The following INPP5D variants were observed in gnomAD, a reference collection of about 807,000 sequenced individuals.
INPP5D encodes the protein phosphatidylinositol 3,4,5-trisphosphate 5-phosphatase 1.
Under a neutral mutation model 122.9 loss-of-function variants are expected in INPP5D, and 33 were observed. The observed-to-expected ratio is 0.27, with a 90% CI of 0.20 to 0.36. The LOEUF (loss-of-function observed/expected upper bound fraction) is 0.36, where lower values mean the gene tolerates loss of function less well. Among genes scored for constraint, INPP5D ranks in the 10% least tolerant of loss-of-function variants. The pLI, the probability that INPP5D is intolerant of heterozygous loss-of-function variation, is 1.00. For synonymous variants in INPP5D, 584 were observed against 576.2 expected (o/e 1.01, Z -0.19); for missense variants, 1,053 against 1,412.7 (o/e 0.75, Z 4.08).
At chr2:233,148,052 G>T (rs1219893431) in intron 9 of INPP5D, among the ~76,000 whole-genome samples, 5 of 152,238 alleles carry the variant, frequency 3.3e-5, no homozygotes. Flanking sequence ...AGCCCAGCAT[G>T]TAGTGGCCAC....
In INPP5D at chr2:233,204,653, C is replaced by A. The variant is rs778375246; in HGVS notation, c.3503C>A (p.Pro1168Gln). 6.3e-7 allele frequency: 1 copy of A among 1,583,218 alleles called. No homozygotes were observed. Among genetic ancestry groups the A allele is most frequent in the East Asian group, 2.3e-5 (1 of 43,424 alleles). Residue 1168 changes from proline to glutamine, a missense_variant, in exon 26 of 27, where the codon CCG becomes CAG. By Grantham distance (76) the Pro-to-Gln change is moderately conservative. This residue lies in a region of INPP5D where 417 missense variants were observed against 425.8 expected (regional missense o/e 0.98). Transcript: ENST00000445964. ...GRDYRDNTEL[P>Q]HHGKHRPEEG... ...GACTACCGCGACAACACCGAGCTCC[C>A]GCATCACGGCAAGCACCGGCCGGAG...
chr2:233,186,646 A>G (rs544461542), intron 21 of INPP5D, among the ~76,000 whole-genome samples: 1 of 145,932 alleles, frequency 6.9e-6, no homozygotes, highest in Non-Finnish European at 1.5e-5. Context: ...TACCAAAAAA[A>G]AATTTTTTTT....
rs1482981501 is a variant in INPP5D at position 233,164,487 on chromosome 2, C to T, written c.1555+63C>T. 1 of 1,469,206 alleles carries T rather than the reference C, an allele frequency of 6.8e-7. No individual in the cohort carries two copies. Among genetic ancestry groups the T allele is most frequent in the Middle Eastern group, 1.8e-4 (1 of 5,644 alleles). The allele number at this position is 1,469,206 out of a possible 1,614,324, so 91.0% of individuals were successfully genotyped here. ...TCTGCCTCAACTCTCGCGACCACAT[C>T]ATCCTGATCCCACCAGTAGTTCCCC... On this transcript the variant is annotated intron_variant, in intron 13 of 26. Transcript: ENST00000445964. This position sits in a 1 kb window ranked among gnomAD's most constrained non-coding sequence, Gnocchi z 4.3.
At chr2:233,086,495 T>C (rs1197031757) in intron 2 of INPP5D, among the ~76,000 whole-genome samples, 1 of 152,058 alleles carries the variant, frequency 6.6e-6, no homozygotes, top group Non-Finnish European at 1.5e-5. Flanking sequence ...GCCTCTTTCC[T>C]ACCTTTGGAA....
At chr2:233,192,160 C>T (rs772367008) in intron 22 of INPP5D, among the ~76,000 whole-genome samples, 2 of 152,256 alleles carry the variant, frequency 1.3e-5, no homozygotes, top group South Asian at 2.1e-4. Context: ...GGGATCCCCT[C>T]GTCACGGATG....
At chr2:233,159,693 C>A (rs1386385373) in intron 10 of INPP5D, among the ~76,000 whole-genome samples, 349 of 91,952 alleles carry the variant, frequency 3.8e-3, no homozygotes, top group South Asian at 4.3e-3. Flanking sequence ...GATCCTGTCT[C>A]AAAAAAAAAA....
intron 2 of INPP5D, among the ~76,000 whole-genome samples, chr2:233,104,414 G>T (rs1335217749): frequency 6.6e-6 from 1 of 152,108 alleles, no homozygotes; most frequent in African/African-American, 2.4e-5. Context: ...AGGCTTCTTT[G>T]CATGCTCGGT....
chr2:233,106,829 A>C (rs1423805632), intron 2 of INPP5D, among the ~76,000 whole-genome samples: 2 of 152,186 alleles, frequency 1.3e-5, no homozygotes, highest in African/African-American at 4.8e-5. Context: ...TACCCAGAGC[A>C]CCTGCTGATG....
intron 2 of INPP5D, among the ~76,000 whole-genome samples, chr2:233,079,978 G>A (rs190851198): frequency 6.6e-6 from 1 of 152,286 alleles, no homozygotes; most frequent in African/African-American, 2.4e-5. Context: ...CACCCAGGCT[G>A]GAGTGCAGTG....
At chr2:233,077,682 A>C (rs1331408264) in intron 1 of INPP5D, among the ~76,000 whole-genome samples, 2 of 150,806 alleles carry the variant, frequency 1.3e-5, no homozygotes, top group Non-Finnish European at 3.0e-5. Context: ...AAAAAAAAAA[A>C]AAAACTCTCT....
intron 10 of INPP5D, among the ~76,000 whole-genome samples, chr2:233,158,648 C>T (rs1306828895): frequency 1.3e-5 from 2 of 152,156 alleles, no homozygotes; most frequent in Non-Finnish European, 2.9e-5. Context: ...CTTTGCCCAG[C>T]TGCCTCCCAG....
chr2:233,081,654 C>T (rs1559279599), intron 2 of INPP5D, among the ~76,000 whole-genome samples: 1 of 152,156 alleles, frequency 6.6e-6, no homozygotes, highest in African/African-American at 2.4e-5. Flanking sequence ...GTGCAGGGAA[C>T]AGAAACTCGC....
chr2:233,118,425 G>A (rs1301235652), intron 2 of INPP5D, among the ~76,000 whole-genome samples: 2 of 152,128 alleles, frequency 1.3e-5, no homozygotes, highest in Non-Finnish European at 2.9e-5. Flanking sequence ...TGTCTGGGCC[G>A]GCTCTGTAGC....
chr2:233,117,155 A>C (rs1484961823), intron 2 of INPP5D, among the ~76,000 whole-genome samples: 1 of 152,058 alleles, frequency 6.6e-6, no homozygotes, highest in Non-Finnish European at 1.5e-5. Context: ...AAAATGACTT[A>C]ACAACTCTTT....
At chr2:233,073,697 C>T (rs538954166) in intron 1 of INPP5D, among the ~76,000 whole-genome samples, 1 of 148,772 alleles carries the variant, frequency 6.7e-6, no homozygotes, top group South Asian at 2.1e-4. Context: ...CCTGTTGCAT[C>T]TGTAGGACTG....
intron 1 of INPP5D, among the ~76,000 whole-genome samples, chr2:233,074,800 C>G (rs1178101477): frequency 6.6e-6 from 1 of 151,880 alleles, no homozygotes; most frequent in South Asian, 2.1e-4. Flanking sequence ...AGCAGATCAG[C>G]AAAGCAAGAT....
In INPP5D at chr2:233,130,620, A is replaced by G; in HGVS notation, c.637A>G (p.Thr213Ala). Residue 213 changes from threonine (T) to alanine (A), a missense_variant, in exon 5 of 27, where the codon ACC (threonine) becomes GCC (alanine). Physicochemically the swap from Thr to Ala is moderately conservative, Grantham distance 58. This residue lies in a region of INPP5D where 196 missense variants were observed against 175.6 expected (regional missense o/e 1.12). Transcript: ENST00000445964. Reference protein sequence around the residue: ...SSSLPHLKKLTTLLCKELYGE... With the variant: ...SSSLPHLKKLATLLCKELYGE... ...CAGTCTTCCTCACCTGAAGAAACTG[A>G]CCACACTGCTCTGCAAGGAGCTCTA... The G allele has an allele frequency of 6.2e-7, 1 of 1,613,952 alleles. No homozygotes were observed. Among genetic ancestry groups the G allele is most frequent in the Non-Finnish European group, 8.5e-7 (1 of 1,179,882 alleles).
chr2:233,064,551 A>G (rs532469165), intron 1 of INPP5D, among the ~76,000 whole-genome samples: 3 of 152,380 alleles, frequency 2.0e-5, no homozygotes, highest in African/African-American at 7.2e-5. Context: ...TTTGATGTCC[A>G]CGAAGACCTT....
chr2:233,116,391 G>T (rs1270058878), intron 2 of INPP5D, among the ~76,000 whole-genome samples: 1 of 151,778 alleles, frequency 6.6e-6, no homozygotes, highest in East Asian at 1.9e-4. Flanking sequence ...CTGGGTTCAA[G>T]CAATCCTCCC....
Sources: allele counts gnomAD v4.1 joint callset (sites outside exome capture counted in the v4.1 genomes callset), GRCh38; gene constraint gnomAD v4.1.1; regional missense constraint gnomAD v4.1.1; non-coding constraint Gnocchi (gnomAD v3.1); transcripts MANE v1.5; gene names NCBI Gene and HGNC (gene_info 2026-07-23, HGNC 2026-07-21).